KIF11: variants seen among roughly 807,000 people sequenced by gnomAD.
KIF11 encodes the protein kinesin family member 11.
A neutral mutation model predicts 121.0 loss-of-function variants in KIF11; 9 were observed. The observed-to-expected ratio is 0.07, with a 90% CI of 0.04 to 0.13. The LOEUF (loss-of-function observed/expected upper bound fraction) is 0.13, where lower values mean the gene tolerates loss of function less well. Ranked by LOEUF, KIF11 falls within the 10% of genes least tolerant of loss-of-function variation. KIF11 has a pLI of 1.00. For missense variants in KIF11, 846 were observed against 1,217.5 expected, an observed-to-expected ratio of 0.69 and a Z score of 4.54; for synonymous variants, 408 against 421.0, an observed-to-expected ratio of 0.97 and a Z score of 0.38.
chr10:92,629,003 C>T (rs1334568001), intron 11 of KIF11, 108 bp downstream of exon 11: 11 of 601,260 alleles, frequency 1.8e-5, no homozygotes, highest in African/African-American at 9.6e-5. Context: ...TTTTTTTAGA[C>T]GGAGTCTCGC....
chr10:92,637,415 G>T lies in KIF11; in HGVS notation c.2030G>T (p.Gly677Val), dbSNP rs1180505412. ...GAAGATCAAAAAAAGGAACTAGATG[G>T]CTTTCTCAGTATACTGTGTAACAAT... ...KIEDQKKELD[G>V]FLSILCNNLH... Residue 677 changes from glycine to valine, a missense_variant, in exon 16 of 22, where the codon GGC becomes GTC. Coordinates refer to ENST00000260731, the MANE Select transcript of KIF11 (RefSeq NM_004523.4). The T allele has an allele frequency of 6.3e-7, 1 of 1,580,744 alleles. No homozygotes were observed. Among genetic ancestry groups the T allele is most frequent in the South Asian group, 1.2e-5 (1 of 84,718 alleles).
chr10:92,651,517 T>TG (rs1564719302), intron 21 of KIF11, among the ~76,000 whole-genome samples: 1 of 59,246 alleles, frequency 1.7e-5, no homozygotes, highest in Non-Finnish European at 2.9e-5. Flanking sequence ...GTTTTTTTTT[T>TG]TTTTTTTTTT....
In KIF11 at chr10:92,654,234, C is replaced by G. The variant is rs1845020454; in HGVS notation, c.*438C>G. The G allele has an allele frequency of 6.6e-6, 1 of 152,608 alleles. No individual in the cohort carries two copies. The highest frequency in any genetic ancestry group is 6.5e-5 in the Admixed American group (1 of 15,328). The allele number at this position is 152,608 out of a possible 1,614,324, so 9.5% of individuals were successfully genotyped here. ...TGTAAATTCAGTTGAATTTTGATAT[C>G]TACCCATTTTTCTGTCATCCCTATA... On this transcript the variant is annotated 3_prime_UTR_variant, in exon 22 of 22. Transcript: ENST00000260731.
chr10:92,634,829 G>A (rs1844780055), intron 14 of KIF11, among the ~76,000 whole-genome samples: 1 of 152,188 alleles, frequency 6.6e-6, no homozygotes, highest in South Asian at 2.1e-4. Flanking sequence ...CAACCAGAAG[G>A]GGATATTGGG....
intron 17 of KIF11, 100 bp from the exon 18 acceptor site, chr10:92,645,263 C>T (rs983995038): frequency 8.6e-6 from 7 of 815,458 alleles, no homozygotes; most frequent in South Asian, 3.6e-5. Flanking sequence ...AGACTGTCCA[C>T]GTTCAGATCT....
At position 92,606,715 on chromosome 10, in the gene KIF11, G is replaced by A. The variant is rs1384924142; in HGVS notation, c.307G>A (p.Ala103Thr). The part of the protein sequence containing the change: ...VIMGYNCTIF[A>T]YGQTGTGKTF... Reference sequence around the variant, plus strand: ...TATGGGCTATAATTGCACTATCTTTGCGTAAGTAAAAGGGTGTTTTTTCTG... The same window carrying A: ...TATGGGCTATAATTGCACTATCTTTACGTAAGTAAAAGGGTGTTTTTTCTG... Residue 103 changes from alanine to threonine, a missense_variant and splice_region_variant, in exon 3 of 22, where the codon GCG becomes ACG. By Grantham distance (58) the Ala-to-Thr change is moderately conservative. This residue lies in a region of KIF11 where 140 missense variants were observed against 193.5 expected (regional missense o/e 0.72). Transcript: ENST00000260731. The A allele has an allele frequency of 7.2e-7, 1 of 1,395,462 alleles. No homozygotes were observed. The highest frequency in any genetic ancestry group is 1.4e-5 in the African/African-American group (1 of 70,220). The allele number at this position is 1,395,462 out of a possible 1,614,324, so 86.4% of individuals were successfully genotyped here.
chr10:92,649,714 T>C lies in KIF11; in HGVS notation c.2771-121T>C, dbSNP rs987233764. The C allele has an allele frequency of 6.3e-6, 4 of 637,958 alleles. No individual in the cohort carries two copies. The African/African-American group carries it at 7.3e-5, about 12-fold the overall frequency. 39.5% of individuals were successfully genotyped at this position (637,958 alleles called of 1,614,324 possible). On this transcript the variant is annotated intron_variant, in intron 19 of 21. Transcript: ENST00000260731. ...TGACAGGTAGCAAGACTGATCCTCATATATGGCAATTATATTTTTATATTT... is the reference window on the plus strand; with the variant it reads ...TGACAGGTAGCAAGACTGATCCTCACATATGGCAATTATATTTTTATATTT...
At chr10:92,623,515 G>A (rs1456039053) in intron 10 of KIF11, among the ~76,000 whole-genome samples, 1 of 152,174 alleles carries the variant, frequency 6.6e-6, no homozygotes, top group African/African-American at 2.4e-5. Context: ...AAGCATTTTA[G>A]TATAATCTTT....
At chr10:92,642,372 A>T (rs1844873565) in intron 17 of KIF11, among the ~76,000 whole-genome samples, 1 of 152,158 alleles carries the variant, frequency 6.6e-6, no homozygotes, top group South Asian at 2.1e-4. Flanking sequence ...TTGCAGTGTT[A>T]TTCTGATAAT....
chr10:92,608,876 T>G (rs1844460536), intron 4 of KIF11, 144 bp from the exon 5 acceptor site: 2 of 511,428 alleles, frequency 3.9e-6, no homozygotes, highest in Non-Finnish European at 6.8e-6. Context: ...TTCTCTAACA[T>G]TAGGTTAGTT....
intron 6 of KIF11, among the ~76,000 whole-genome samples, chr10:92,610,968 A>C (rs1844489166): frequency 6.6e-6 from 1 of 152,144 alleles, no homozygotes; most frequent in Admixed American, 6.6e-5. Flanking sequence ...GAACTGAACT[A>C]AAGACTAGGT....
Position 92,648,452 on chromosome 10 carries a change from T to G in KIF11, c.2770+18T>G, listed in dbSNP as rs765549864. On this transcript the variant is annotated intron_variant, in intron 19 of 21. Transcript: ENST00000260731. ...CCCAACAGGTACTTTAAAAGAGAAA[T>G]AGAATTGTTAAATTTTTTGAAGTCG... The G allele has an allele frequency of 2.0e-6, 3 of 1,481,418 alleles. No homozygotes were observed. The highest frequency in any genetic ancestry group is 2.8e-6 in the Non-Finnish European group (3 of 1,088,966). The allele number at this position is 1,481,418 out of a possible 1,614,324, so 91.8% of individuals were successfully genotyped here.
intron 3 of KIF11, among the ~76,000 whole-genome samples, 167 bp from the exon 4 acceptor site, chr10:92,606,992 G>A (rs1413733082): frequency 3.9e-5 from 6 of 152,110 alleles, no homozygotes; most frequent in African/African-American, 1.4e-4. Flanking sequence ...GGCCAGGCTG[G>A]TCTCGAACTC....
At chr10:92,602,273 A>G (rs1053961546) in intron 1 of KIF11, among the ~76,000 whole-genome samples, 1 of 152,112 alleles carries the variant, frequency 6.6e-6, no homozygotes, top group Non-Finnish European at 1.5e-5. Flanking sequence ...TGCCTCACAA[A>G]ATGAGTTGGG....
At position 92,630,267 on chromosome 10, in the gene KIF11, A is replaced by T; in HGVS notation, c.1397A>T (p.Lys466Ile). Reference protein sequence around the residue: ...NKTQELETTQKHLQETKLQLV... With the variant: ...NKTQELETTQIHLQETKLQLV... ...ACACAAGAACTTGAAACCACTCAAAAACATTTGCAAGAAACTAAATTACAA... is the reference window on the plus strand; with the variant it reads ...ACACAAGAACTTGAAACCACTCAAATACATTTGCAAGAAACTAAATTACAA... The change falls in exon 12 of 22, where the codon AAA (lysine) becomes ATA (isoleucine). Residue 466 changes from lysine (K) to isoleucine (I), a missense_variant. Around this residue, in one of 5 missense-constraint regions of KIF11, gnomAD observed 95 missense variants for 109.3 expected, o/e 0.87. Coordinates refer to ENST00000260731, the MANE Select transcript of KIF11 (RefSeq NM_004523.4). 1 of 1,610,676 alleles carries T rather than the reference A, an allele frequency of 6.2e-7. No individual in the cohort carries two copies.
rs1317532997 is a variant in KIF11, at chr10:92,654,966, A to G, written c.*1170A>G. The G allele has an allele frequency of 6.6e-6, 1 of 152,644 alleles. No individual in the cohort carries two copies. Among genetic ancestry groups the G allele is most frequent in the African/African-American group, 2.4e-5 (1 of 41,452 alleles). 9.5% of individuals were successfully genotyped at this position (152,644 alleles called of 1,614,324 possible). A position where few individuals can be genotyped will look rare whatever the true frequency, so the allele number is the denominator to read the frequency against. ...CTATAATTTATATTCTTTTGTTTAC[A>G]TGATGAAACTTTTTGTTGTTGCTTG... On this transcript the variant is annotated 3_prime_UTR_variant, in exon 22 of 22. Coordinates refer to ENST00000260731, the MANE Select transcript of KIF11 (RefSeq NM_004523.4).
chr10:92,629,551 A>T (rs1844714368), intron 11 of KIF11, among the ~76,000 whole-genome samples: 1 of 152,164 alleles, frequency 6.6e-6, no homozygotes, highest in Admixed American at 6.6e-5. Flanking sequence ...AAAGTAATAT[A>T]ACTAGGGTAG....
Position 92,645,401 on chromosome 10 carries a change from G to A in KIF11, c.2306G>A (p.Ser769Asn), listed in dbSNP as rs1409610001. Residue 769 changes from serine (S) to asparagine (N), a missense_variant, in exon 18 of 22, where the codon AGT (serine) becomes AAT (asparagine). Physicochemically the swap from Ser to Asn is conservative, Grantham distance 46. Around this residue, in one of 5 missense-constraint regions of KIF11, gnomAD observed 492 missense variants for 603.4 expected, o/e 0.82. Transcript: ENST00000260731. ...ATAGTCAACAAAATGACTTTTCACAGTCAAAAATTTTGTGCTGATTCTGAT... is the reference window on the plus strand; with the variant it reads ...ATAGTCAACAAAATGACTTTTCACAATCAAAAATTTTGTGCTGATTCTGAT... ...KDIVNKMTFH[S>N]QKFCADSDGF... is the part of the protein sequence containing the mutation. The A allele has an allele frequency of 1.9e-6, 3 of 1,612,838 alleles. No homozygotes were observed. The highest frequency in any genetic ancestry group is 1.1e-5 in the South Asian group (1 of 90,896).
intron 5 of KIF11, 83 bp from the exon 6 acceptor site, chr10:92,609,302 G>C: frequency 3.1e-6 from 2 of 643,994 alleles, no homozygotes; most frequent in South Asian, 7.0e-5. Context: ...GAGAGAGAGA[G>C]AGTGTGTGTG....
Sources: gnomAD v4.1 joint callset for allele counts (sites outside exome capture counted in the v4.1 genomes callset) on GRCh38, gnomAD v4.1.1 for gene constraint, gnomAD v4.1.1 regional missense constraint, MANE v1.5 for transcripts, NCBI Gene and HGNC (gene_info 2026-07-23, HGNC 2026-07-21) for gene names.